Variants in SUN1 observed in about 807,000 individuals in gnomAD.
SUN1 encodes SUN domain-containing protein 1.
SUN1 carries 61 observed loss-of-function variants against 103.2 expected under a neutral mutation model. That is an observed-to-expected ratio of 0.59 (90% confidence interval 0.48 to 0.73). The LOEUF (loss-of-function observed/expected upper bound fraction) is 0.73, where lower values mean the gene tolerates loss of function less well. Ranked by LOEUF, SUN1 falls within the 30% of genes least tolerant of loss-of-function variation. The pLI is 0.00. For synonymous variants in SUN1, 490 were observed against 425.7 expected (o/e 1.15, Z -1.86); for missense variants, 1,052 against 1,034.6 (o/e 1.02, Z -0.23).
intron 16 of SUN1, among the ~76,000 whole-genome samples, chr7:867,508 C>T (rs1178340258): frequency 2.6e-5 from 4 of 152,186 alleles, no homozygotes; most frequent in Admixed American, 2.6e-4. Flanking sequence ...CAGTGTGATG[C>T]TGGTGGGGAT....
chr7:856,090 C>T (rs961422168), intron 11 of SUN1, among the ~76,000 whole-genome samples: 3 of 152,222 alleles, frequency 2.0e-5, no homozygotes, highest in East Asian at 3.9e-4. Flanking sequence ...AGGGAGCTGA[C>T]TCCCAACCCG....
Position 861,490 on chromosome 7 carries a change from T to A in SUN1, c.1864+26T>A. ...GTGAGTAAATAGACGTTCTGATTAC[T>A]AAGTTAGATGATCACCTGTTAGCAG... On this transcript the variant is annotated intron_variant, in intron 15 of 18. Transcript: ENST00000401592. The A allele has an allele frequency of 1.9e-6, 3 of 1,612,194 alleles. No individual in the cohort carries two copies. The South Asian group carries it at 3.3e-5, about 18-fold the overall frequency.
At chr7:825,576 G>T (rs1790972882) in intron 1 of SUN1, among the ~76,000 whole-genome samples, 1 of 152,154 alleles carries the variant, frequency 6.6e-6, no homozygotes, top group African/African-American at 2.4e-5. Context: ...TTTTTAGGTT[G>T]TAGTCATTTA....
At position 874,359 on chromosome 7, in the gene SUN1, TA is replaced by T. The variant is rs1843303928; in HGVS notation, c.*1030del. On this transcript the variant is annotated 3_prime_UTR_variant, in exon 19 of 19. Coordinates refer to ENST00000401592, the MANE Select transcript of SUN1 (RefSeq NM_001130965.3). ...ACTCTTTTTGGTTATAATTACTATT[TA>T]ATATTTAGACTATTTTACTGAGCAG... The T allele has an allele frequency of 6.6e-6, 1 of 152,656 alleles. No individual in the cohort carries two copies. The highest frequency in any genetic ancestry group is 2.1e-4 in the South Asian group (1 of 4,836). The allele number at this position is 152,656 out of a possible 1,614,324, so 9.5% of individuals were successfully genotyped here. A position where few individuals can be genotyped will look rare whatever the true frequency, so the allele number is the denominator to read the frequency against.
At chr7:857,489 G>A (rs899660011) in intron 12 of SUN1, among the ~76,000 whole-genome samples, 10 of 152,096 alleles carry the variant, frequency 6.6e-5, no homozygotes, top group Non-Finnish European at 8.8e-5. Flanking sequence ...ATGAGCCACC[G>A]CACCCAGTCC....
At chr7:825,544 T>C (rs144847510) in intron 1 of SUN1, among the ~76,000 whole-genome samples, 1,742 of 152,378 alleles carry the variant, frequency 0.011, 35 homozygotes, top group African/African-American at 0.039. Flanking sequence ...ATAAAATATG[T>C]GGCATACAGC....
chr7:855,597 G>T (rs1562735239), intron 11 of SUN1, among the ~76,000 whole-genome samples: 2 of 152,222 alleles, frequency 1.3e-5, no homozygotes, highest in Non-Finnish European at 1.5e-5. Flanking sequence ...GAGCCTAAGG[G>T]TTGTATGTAG....
At chr7:845,817 T>TA (rs915757281) in intron 5 of SUN1, among the ~76,000 whole-genome samples, 1 of 152,182 alleles carries the variant, frequency 6.6e-6, no homozygotes, top group Non-Finnish European at 1.5e-5. Context: ...TGGGAATTCT[T>TA]ACGCTTTTTA....
chr7:824,333 G>A (rs753844315), intron 1 of SUN1, among the ~76,000 whole-genome samples: 1 of 152,234 alleles, frequency 6.6e-6, no homozygotes, highest in Non-Finnish European at 1.5e-5. Flanking sequence ...GGAGGATGCT[G>A]AGTGTGGCTG....
intron 16 of SUN1, among the ~76,000 whole-genome samples, chr7:867,278 G>A (rs778739836): frequency 6.6e-5 from 10 of 152,264 alleles, no homozygotes; most frequent in Admixed American, 1.3e-4. Flanking sequence ...CTGCTGCCAC[G>A]AAGCCACACA....
At chr7:816,793 G>T (rs1410149654) in intron 1 of SUN1, 1 of 148,038 alleles carries the variant, frequency 6.8e-6, no homozygotes, top group Non-Finnish European at 1.5e-5. Flanking sequence ...CCCTCAGCGC[G>T]GGCTGCGCCA....
At chr7:855,075 C>T in intron 11 of SUN1, 69 bp downstream of exon 11, 2 of 1,225,200 alleles carry the variant, frequency 1.6e-6, no homozygotes, top group Non-Finnish European at 2.3e-6. Context: ...ATTTTAAAGC[C>T]CTTTGGTCAT....
chr7:836,993 A>G (rs1803915312), intron 1 of SUN1, among the ~76,000 whole-genome samples: 1 of 152,234 alleles, frequency 6.6e-6, no homozygotes, highest in Non-Finnish European at 1.5e-5. Flanking sequence ...CTGGGCACAC[A>G]TGGCCCCCGA....
Position 860,224 on chromosome 7 carries a change from T to C in SUN1, c.1621T>C (p.Phe541Leu), listed in dbSNP as rs369638708. The C allele has an allele frequency of 6.8e-6, 11 of 1,614,048 alleles. No individual in the cohort carries two copies. In the African/African-American group the frequency reaches 1.3e-4, roughly 20 times the overall value. Reference sequence around the variant, plus strand: ...GCTGCTGCAGAGGTTCTCATCACAGTTTGTGAGCAAAGGCGACTTGCAGAC... The same window carrying C: ...GCTGCTGCAGAGGTTCTCATCACAGCTTGTGAGCAAAGGCGACTTGCAGAC... ...EQLLQRFSSQ[F>L]VSKGDLQTML... Residue 541 changes from phenylalanine (F) to leucine (L), a missense_variant, in exon 14 of 19, where the codon TTT becomes CTT. By Grantham distance (22) the Phe-to-Leu change is conservative (BLOSUM62 0). Coordinates refer to ENST00000401592, the MANE Select transcript of SUN1 (RefSeq NM_001130965.3).
In SUN1 at chr7:854,971, G is replaced by A; in HGVS notation, c.1315G>A (p.Glu439Lys). ...QEHEVRMSHL[E>K]DILGKLREKS... Reference sequence around the variant, plus strand: ...ACATGAAGTGCGTATGTCACACTTGGAAGATATTCTGGGAAAACTGAGAGA... The same window carrying A: ...ACATGAAGTGCGTATGTCACACTTGAAAGATATTCTGGGAAAACTGAGAGA... The change falls in exon 11 of 19, where the codon GAA becomes AAA. Residue 439 changes from glutamate to lysine, a missense_variant. Around this residue, in one of 2 missense-constraint regions of SUN1, gnomAD observed 846 missense variants for 774.5 expected, o/e 1.09. Transcript: ENST00000401592. 6.2e-7 allele frequency: 1 copy of A among 1,613,646 alleles called. No individual in the cohort carries two copies. Among genetic ancestry groups the A allele is most frequent in the Non-Finnish European group, 8.5e-7 (1 of 1,179,782 alleles).
At chr7:855,390 A>G (rs554068186) in intron 11 of SUN1, among the ~76,000 whole-genome samples, 3 of 152,234 alleles carry the variant, frequency 2.0e-5, no homozygotes, top group Admixed American at 1.3e-4. Flanking sequence ...TTTGACAGAC[A>G]GCACTAGCTT....
chr7:819,797 C>T (rs60915353), intron 1 of SUN1, among the ~76,000 whole-genome samples: 2,511 of 151,684 alleles, frequency 0.017, 46 homozygotes, highest in African/African-American at 0.045. Context: ...CAACCTCCGC[C>T]TCCCAGGTTC....
At chr7:846,424 T>C (rs912692094) in intron 5 of SUN1, among the ~76,000 whole-genome samples, 11 of 152,014 alleles carry the variant, frequency 7.2e-5, no homozygotes, top group Non-Finnish European at 1.3e-4. Context: ...CATTGTATCT[T>C]TTAAAGTGAG....
intron 1 of SUN1, among the ~76,000 whole-genome samples, chr7:838,260 G>T (rs1645638456): frequency 6.6e-6 from 1 of 152,168 alleles, no homozygotes; most frequent in Non-Finnish European, 1.5e-5. Context: ...TTATATGGAA[G>T]GTATTGGAAG....
Sources: gnomAD v4.1 joint callset for allele counts (sites outside exome capture counted in the v4.1 genomes callset) on GRCh38, gnomAD v4.1.1 for gene constraint, gnomAD v4.1.1 regional missense constraint, MANE v1.5 for transcripts, NCBI Gene and HGNC (gene_info 2026-07-23, HGNC 2026-07-21) for gene names.